PTPRD: variants seen among roughly 807,000 people sequenced by gnomAD.
PTPRD encodes receptor-type tyrosine-protein phosphatase delta.
Under a neutral mutation model 214.5 loss-of-function variants are expected in PTPRD, and 34 were observed. The observed-to-expected ratio is 0.16, with a 90% CI of 0.12 to 0.21. The LOEUF is 0.21. PTPRD is among the 10% of genes least tolerant of loss of function. PTPRD has a pLI of 1.00. For synonymous variants in PTPRD, 1,128 were observed against 845.7 expected (o/e 1.33, Z -5.79); for missense variants, 2,545 against 2,398.7 (o/e 1.06, Z -1.27).
At chr9:10,024,935 C>T (rs542287354) in intron 4 of PTPRD, among the ~76,000 whole-genome samples, 1 of 151,940 alleles carries the variant, frequency 6.6e-6, no homozygotes, top group Non-Finnish European at 1.5e-5. Context: ...CCAGCTTCAT[C>T]CATGTCCCTA....
At chr9:10,309,761 T>A (rs1217329696) in intron 3 of PTPRD, among the ~76,000 whole-genome samples, 1 of 151,944 alleles carries the variant, frequency 6.6e-6, no homozygotes, top group Non-Finnish European at 1.5e-5. Context: ...TACATATGTG[T>A]CTGCTACGAT....
intron 6 of PTPRD, among the ~76,000 whole-genome samples, chr9:9,752,111 G>T (rs1270043509): frequency 6.6e-6 from 1 of 152,104 alleles, no homozygotes; most frequent in Admixed American, 6.6e-5. Flanking sequence ...TTACCAGTCA[G>T]TGTGTGCTAA....
intron 2 of PTPRD, among the ~76,000 whole-genome samples, chr9:10,419,382 T>C (rs2154515183): frequency 6.6e-6 from 1 of 151,970 alleles, no homozygotes; most frequent in South Asian, 2.1e-4. Flanking sequence ...TATAAAACAG[T>C]AGAAGGCATA....
intron 11 of PTPRD, chr9:8,861,212 G>C (rs1272415437): frequency 2.0e-5 from 3 of 152,132 alleles, no homozygotes; most frequent in Non-Finnish European, 2.9e-5. Flanking sequence ...CCTAACAGGA[G>C]ACTAAAAATA....
At chr9:9,917,495 A>G (rs1362194242) in intron 5 of PTPRD, among the ~76,000 whole-genome samples, 1 of 149,786 alleles carries the variant, frequency 6.7e-6, no homozygotes, top group East Asian at 1.9e-4. Context: ...TGTCTTTACC[A>G]CTGAATTCTA....
At chr9:9,508,091 C>T (rs1569568892) in intron 8 of PTPRD, among the ~76,000 whole-genome samples, 1 of 151,600 alleles carries the variant, frequency 6.6e-6, no homozygotes, top group African/African-American at 2.4e-5. Flanking sequence ...TCAGCAAGTT[C>T]ATACTTCAGT....
At chr9:9,325,328 G>C (rs894344075) in intron 9 of PTPRD, among the ~76,000 whole-genome samples, 1 of 152,142 alleles carries the variant, frequency 6.6e-6, no homozygotes, top group African/African-American at 2.4e-5. Flanking sequence ...CCATGAGCAT[G>C]GAATGTTCTT....
intron 11 of PTPRD, among the ~76,000 whole-genome samples, chr9:8,982,616 T>C (rs999136608): frequency 1.3e-5 from 2 of 151,552 alleles, no homozygotes; most frequent in African/African-American, 4.8e-5. Context: ...TCCACAATCA[T>C]CATCTTATAA....
At chr9:10,568,114 C>T (rs1456711015) in intron 2 of PTPRD, among the ~76,000 whole-genome samples, 2 of 140,290 alleles carry the variant, frequency 1.4e-5, no homozygotes, top group African/African-American at 5.2e-5. Flanking sequence ...TACCCCTCCC[C>T]CCTCCCCCCA....
chr9:9,580,702 C>T (rs766931924), intron 7 of PTPRD, among the ~76,000 whole-genome samples: 1 of 151,862 alleles, frequency 6.6e-6, no homozygotes, highest in African/African-American at 2.4e-5. Context: ...GAGCCTACCA[C>T]CATGCCTGCC....
At chr9:10,312,972 A>G (rs2096309650) in intron 3 of PTPRD, among the ~76,000 whole-genome samples, 1 of 151,966 alleles carries the variant, frequency 6.6e-6, no homozygotes, top group South Asian at 2.1e-4. Flanking sequence ...TAGTCTGTCA[A>G]TGGTCCTGAC....
At chr9:8,764,153 C>G (rs1599054803) in intron 11 of PTPRD, among the ~76,000 whole-genome samples, 2 of 152,176 alleles carry the variant, frequency 1.3e-5, no homozygotes, top group East Asian at 1.9e-4. Context: ...TCTCAGTCCT[C>G]TATGGTTGTT....
intron 11 of PTPRD, among the ~76,000 whole-genome samples, chr9:8,975,909 T>A (rs890546002): frequency 6.6e-6 from 1 of 151,928 alleles, no homozygotes. Context: ...TTCAAAAACA[T>A]GATTTTCATT....
At chr9:10,205,091 G>T (rs182282256) in intron 3 of PTPRD, among the ~76,000 whole-genome samples, 159 of 152,178 alleles carry the variant, frequency 1.0e-3, no homozygotes, top group African/African-American at 3.8e-3. Context: ...CCAGCCATAT[G>T]CCTTATCTAT....
At chr9:9,497,637 T>G (rs939731281) in intron 8 of PTPRD, among the ~76,000 whole-genome samples, 1 of 152,172 alleles carries the variant, frequency 6.6e-6, no homozygotes, top group African/African-American at 2.4e-5. Context: ...TGTAGATGAC[T>G]GTTAGAAGTT....
At chr9:9,939,267 G>C (rs778308476) in intron 4 of PTPRD, among the ~76,000 whole-genome samples, 1 of 152,116 alleles carries the variant, frequency 6.6e-6, no homozygotes, top group African/African-American at 2.4e-5. Flanking sequence ...GCCAGGTAGG[G>C]TCTTGTACTG....
chr9:10,216,018 G>A (rs1045299882), intron 3 of PTPRD, among the ~76,000 whole-genome samples: 3 of 151,838 alleles, frequency 2.0e-5, no homozygotes, highest in Non-Finnish European at 4.4e-5. Context: ...AAAAGTGAGA[G>A]CATAATTAAT....
At chr9:9,856,363 T>G (rs1391780080) in intron 5 of PTPRD, among the ~76,000 whole-genome samples, 1 of 152,170 alleles carries the variant, frequency 6.6e-6, no homozygotes, top group Non-Finnish European at 1.5e-5. Flanking sequence ...AGCCACGGTC[T>G]CAGGGTTTTT....
At chr9:10,095,293 G>C (rs113915587) in intron 3 of PTPRD, among the ~76,000 whole-genome samples, 198 of 151,514 alleles carry the variant, frequency 1.3e-3, no homozygotes, top group Middle Eastern at 3.4e-3. Flanking sequence ...ATATCCCATA[G>C]ATGGAGCATA....
Sources: allele counts gnomAD v4.1 joint callset (sites outside exome capture counted in the v4.1 genomes callset), GRCh38; gene constraint gnomAD v4.1.1; transcripts MANE v1.5; gene names NCBI Gene and HGNC (gene_info 2026-07-23, HGNC 2026-07-21).